The following COMMD10 variants were observed in gnomAD, a reference collection of about 807,000 sequenced individuals.
COMMD10 encodes the protein COMM domain containing 10, also known as COMM domain-containing protein 10.
In COMMD10, 33 loss-of-function variants were observed where a neutral mutation model predicts 28.9. The ratio of observed to expected loss-of-function variants is 1.14; its 90% CI spans 0.87 to 1.53. The LOEUF is 1.53. COMMD10 is among the 40% of genes most tolerant of loss of function. The probability of loss-of-function intolerance (pLI) is 0.00; values close to 1 mark genes in which losing one functional copy is unlikely to be tolerated. For synonymous variants in COMMD10, 110 were observed against 81.7 expected, an observed-to-expected ratio of 1.35 and a Z score of -1.87; for missense variants, 310 against 233.4, an observed-to-expected ratio of 1.33 and a Z score of -2.14.
chr5:116,146,613 G>A (rs1752358378), intron 5 of COMMD10, among the ~76,000 whole-genome samples: 1 of 151,828 alleles, frequency 6.6e-6, no homozygotes, highest in Non-Finnish European at 1.5e-5. Flanking sequence ...TTCTTTCCTG[G>A]CATAGTTTAA....
intron 5 of COMMD10, among the ~76,000 whole-genome samples, chr5:116,146,657 C>T (rs749778515): frequency 2.0e-5 from 3 of 151,774 alleles, no homozygotes; most frequent in Non-Finnish European, 2.9e-5. Flanking sequence ...GTGTTAGTTA[C>T]TATGTGAATA....
chr5:116,229,735 A>G (rs1749481359), intron 5 of COMMD10, among the ~76,000 whole-genome samples: 1 of 152,022 alleles, frequency 6.6e-6, no homozygotes, highest in Admixed American at 6.6e-5. Context: ...AGCACAATTT[A>G]TTTGTCCAGC....
intron 5 of COMMD10, among the ~76,000 whole-genome samples, chr5:116,164,556 CAGTAACTGTCTATTTT>C (rs1180899176): frequency 2.0e-5 from 3 of 152,262 alleles, no homozygotes; most frequent in African/African-American, 7.2e-5. Context: ...TAAGCAAGAA[CAGTAACTGTCTATTTT>C]AGTAACTGTC....
intron 4 of COMMD10, among the ~76,000 whole-genome samples, chr5:116,104,610 C>T (rs1750775367): frequency 6.6e-6 from 1 of 151,814 alleles, no homozygotes; most frequent in South Asian, 2.1e-4. Flanking sequence ...ATTTGACTTC[C>T]TCTTTTCTTT....
chr5:116,208,297 C>T (rs1352941083), intron 5 of COMMD10, among the ~76,000 whole-genome samples: 1 of 152,084 alleles, frequency 6.6e-6, no homozygotes. Flanking sequence ...TTTCCAAGTC[C>T]TGTGTAACCT....
At chr5:116,248,023 G>C (rs1253224591) in intron 5 of COMMD10, among the ~76,000 whole-genome samples, 1 of 151,748 alleles carries the variant, frequency 6.6e-6, no homozygotes, top group African/African-American at 2.4e-5. Context: ...AATAAAAGTT[G>C]TACAAAGAAT....
chr5:116,099,778 C>G (rs1750597094), intron 4 of COMMD10, among the ~76,000 whole-genome samples: 1 of 151,840 alleles, frequency 6.6e-6, no homozygotes. Context: ...GTTCCTTTGT[C>G]CAGTTTTTAA....
chr5:116,270,979 C>G (rs1480666727), intron 5 of COMMD10, among the ~76,000 whole-genome samples: 1 of 151,406 alleles, frequency 6.6e-6, no homozygotes, highest in Non-Finnish European at 1.5e-5. Flanking sequence ...AATAAAATCA[C>G]ACCATTTAAC....
intron 5 of COMMD10, among the ~76,000 whole-genome samples, chr5:116,250,946 C>G (rs1406386851): frequency 1.3e-5 from 2 of 152,080 alleles, no homozygotes; most frequent in Non-Finnish European, 2.9e-5. Context: ...TGGCATGCCA[C>G]TACTAAGCCT....
chr5:116,186,404 C>CT (rs11440790), intron 5 of COMMD10, among the ~76,000 whole-genome samples: 7,933 of 152,132 alleles, frequency 0.052, 289 homozygotes, highest in African/African-American at 0.11. Flanking sequence ...GCTCTAAGCA[C>CT]TTTTTTCATT....
At chr5:116,127,303 T>C (rs1010031965) in intron 4 of COMMD10, among the ~76,000 whole-genome samples, 2 of 152,156 alleles carry the variant, frequency 1.3e-5, no homozygotes, top group Non-Finnish European at 2.9e-5. Context: ...TGTGGAGAAA[T>C]AGCAATGCTT....
intron 5 of COMMD10, among the ~76,000 whole-genome samples, chr5:116,250,552 C>T (rs1466556682): frequency 1.3e-5 from 2 of 151,710 alleles, no homozygotes; most frequent in Non-Finnish European, 1.5e-5. Flanking sequence ...CCTGACACCT[C>T]ACCTCATAGA....
chr5:116,263,042 G>C (rs985141738), intron 5 of COMMD10, among the ~76,000 whole-genome samples: 3 of 151,760 alleles, frequency 2.0e-5, no homozygotes, highest in African/African-American at 4.9e-5. Context: ...TTAATAGTTT[G>C]CTTATTTGGT....
intron 4 of COMMD10, among the ~76,000 whole-genome samples, chr5:116,114,663 C>A (rs1025928798): frequency 6.6e-6 from 1 of 152,136 alleles, no homozygotes; most frequent in African/African-American, 2.4e-5. Flanking sequence ...TGAGGGGTGA[C>A]AACACCTTTG....
At chr5:116,152,287 G>A (rs1217121671) in intron 5 of COMMD10, among the ~76,000 whole-genome samples, 1 of 151,958 alleles carries the variant, frequency 6.6e-6, no homozygotes, top group Admixed American at 6.6e-5. Flanking sequence ...GAATATAGAA[G>A]AAGAATACCA....
chr5:116,287,265 G>T lies in COMMD10; in HGVS notation c.511-4252G>T, dbSNP rs192578472. Among the ~76,000 whole-genome samples the T allele has an allele frequency of 4.3e-3, 659 of 151,626 alleles. 19 individuals are homozygous for T. The highest frequency in any genetic ancestry group is 0.041 in the Admixed American group (621 of 15,236). On this transcript the variant is annotated intron_variant, in intron 5 of 6. Transcript: ENST00000274458. ...TTATGCACCAAAGCTATGAGGTTTGGTGCATAAATATTTATAATTGTTTTA... is the reference window on the plus strand; with the variant it reads ...TTATGCACCAAAGCTATGAGGTTTGTTGCATAAATATTTATAATTGTTTTA...
chr5:116,282,076 T>C (rs1222617587), intron 5 of COMMD10, among the ~76,000 whole-genome samples: 1 of 151,984 alleles, frequency 6.6e-6, no homozygotes, highest in East Asian at 1.9e-4. Flanking sequence ...AAGCTAATTG[T>C]GTCTGAAACT....
At chr5:116,161,564 A>C (rs150324883) in intron 5 of COMMD10, among the ~76,000 whole-genome samples, 35 of 152,276 alleles carry the variant, frequency 2.3e-4, no homozygotes, top group South Asian at 6.2e-4. Context: ...AATAACAGTC[A>C]ACACATATTT....
At chr5:116,208,700 T>G (rs114037550) in intron 5 of COMMD10, among the ~76,000 whole-genome samples, 1 of 75,724 alleles carries the variant, frequency 1.3e-5, no homozygotes, top group Admixed American at 1.4e-4. Context: ...TGACCACACG[T>G]TTTTTTCTTG....
Sources: allele counts gnomAD v4.1 joint callset (sites outside exome capture counted in the v4.1 genomes callset), GRCh38; gene constraint gnomAD v4.1.1; transcripts MANE v1.5; gene names NCBI Gene and HGNC (gene_info 2026-07-23, HGNC 2026-07-21).